Variants in ARHGAP24 observed in about 807,000 individuals in gnomAD.
ARHGAP24 encodes rho GTPase-activating protein 24.
ARHGAP24 carries 50 observed loss-of-function variants against 76.4 expected under a neutral mutation model. The observed-to-expected ratio is 0.65, with a 90% CI of 0.52 to 0.83. ARHGAP24 has a LOEUF of 0.83. Ranked by LOEUF, ARHGAP24 falls within the 40% of genes least tolerant of loss-of-function variation. The pLI is 0.00. For synonymous variants in ARHGAP24, 345 were observed against 323.3 expected (o/e 1.07, Z -0.72); for missense variants, 930 against 914.2 (o/e 1.02, Z -0.22).
intron 8 of ARHGAP24, among the ~76,000 whole-genome samples, chr4:85,978,258 C>T (rs2148857091): frequency 6.6e-6 from 1 of 152,214 alleles, no homozygotes; most frequent in African/African-American, 2.4e-5. Flanking sequence ...TTGTTTGCTA[C>T]AAACTGGACT....
intron 2 of ARHGAP24, among the ~76,000 whole-genome samples, chr4:85,662,299 G>T (rs1722423488): frequency 6.6e-6 from 1 of 151,794 alleles, no homozygotes; most frequent in Non-Finnish European, 1.5e-5. Context: ...GTGTTTTTTG[G>T]CTGCATAAAT....
chr4:85,790,597 A>G (rs1340966583), intron 3 of ARHGAP24, among the ~76,000 whole-genome samples: 1 of 152,184 alleles, frequency 6.6e-6, no homozygotes, highest in Admixed American at 6.5e-5. Flanking sequence ...TGTTCTTTCA[A>G]CCACAAGCAT....
chr4:85,768,902 A>C (rs7654689), intron 3 of ARHGAP24, among the ~76,000 whole-genome samples: 136,337 of 152,124 alleles, frequency 0.9, 63,024 homozygotes, highest in East Asian at 1. Flanking sequence ...ATATTAACAT[A>C]TCTTAGTCTC....
intron 2 of ARHGAP24, among the ~76,000 whole-genome samples, chr4:85,666,865 C>T (rs1378977766): frequency 2.6e-5 from 4 of 152,142 alleles, no homozygotes; most frequent in Non-Finnish European, 1.5e-5. Context: ...AGTTTTGTCT[C>T]AGAGGAGTAC....
chr4:85,627,506 G>C (rs1721003831), intron 2 of ARHGAP24, among the ~76,000 whole-genome samples: 1 of 152,176 alleles, frequency 6.6e-6, no homozygotes, highest in Non-Finnish European at 1.5e-5. Context: ...TCCCAGTTAG[G>C]CTCCTCAGTG....
chr4:85,995,284 C>A lies in ARHGAP24; in HGVS notation c.1630C>A (p.Leu544Ile). The A allele has an allele frequency of 6.2e-7, 1 of 1,613,992 alleles. No homozygotes were observed. The highest frequency in any genetic ancestry group is 2.2e-5 in the East Asian group (1 of 44,838). ...NVHQQFSMMN[L>I]DDKQSIDSAT... ...CCATCAACAGTTCTCCATGATGAACCTTGATGACAAGCAGAGCATTGACAG... is the reference window on the plus strand; with the variant it reads ...CCATCAACAGTTCTCCATGATGAACATTGATGACAAGCAGAGCATTGACAG... Residue 544 changes from leucine to isoleucine, a missense_variant, in exon 9 of 10, where the codon CTT (leucine) becomes ATT (isoleucine). Coordinates refer to ENST00000395184, the MANE Select transcript of ARHGAP24 (RefSeq NM_001025616.3).
At chr4:85,875,658 A>C (rs1235640959) in intron 3 of ARHGAP24, among the ~76,000 whole-genome samples, 1 of 127,556 alleles carries the variant, frequency 7.8e-6, no homozygotes, top group African/African-American at 3.0e-5. Context: ...TATTATATAT[A>C]ATATAACATA....
rs78942002 is a variant in ARHGAP24, at chr4:85,811,326, A to T, written c.268+89354A>T. 9.9e-3 allele frequency among the ~76,000 whole-genome samples: 1,513 copies of T among 152,328 alleles called. 29 individuals carry two copies. Among genetic ancestry groups the T allele is most frequent in the African/African-American group, 0.034 (1,414 of 41,576 alleles). On this transcript the variant is annotated intron_variant, in intron 3 of 9. Coordinates refer to ENST00000395184, the MANE Select transcript of ARHGAP24 (RefSeq NM_001025616.3). ...AAATTTTAAAGCTTCCCTTCTCTTT[A>T]GTAAATGTTTGCTCACTATTCCTCA...
chr4:85,810,839 A>G (rs1464778714), intron 3 of ARHGAP24, among the ~76,000 whole-genome samples: 2 of 152,196 alleles, frequency 1.3e-5, no homozygotes, highest in African/African-American at 4.8e-5. Context: ...CATTGTCACA[A>G]ACAATTTATT....
intron 3 of ARHGAP24, among the ~76,000 whole-genome samples, chr4:85,909,180 T>G (rs555954271): frequency 6.6e-6 from 1 of 152,340 alleles, no homozygotes; most frequent in East Asian, 1.9e-4. Context: ...ATACTGAGTT[T>G]GCTAACTTTG....
chr4:85,836,482 C>T (rs1730297582), intron 3 of ARHGAP24, among the ~76,000 whole-genome samples: 1 of 152,156 alleles, frequency 6.6e-6, no homozygotes, highest in Admixed American at 6.5e-5. Flanking sequence ...TGCCTGTCTT[C>T]CTATGTTTCT....
At chr4:85,869,527 T>A (rs1732407299) in intron 3 of ARHGAP24, among the ~76,000 whole-genome samples, 1 of 151,684 alleles carries the variant, frequency 6.6e-6, no homozygotes, top group East Asian at 1.9e-4. Flanking sequence ...CCTGTTTGGA[T>A]GGGGTGGGGG....
chr4:85,526,397 C>CAAA (rs397945077), intron 1 of ARHGAP24, among the ~76,000 whole-genome samples: 2 of 76,990 alleles, frequency 2.6e-5, no homozygotes, highest in African/African-American at 8.9e-5. Context: ...AAGACCCTGT[C>CAAA]AAAAAAAAAA....
rs148045921 is a variant in ARHGAP24 at position 85,644,180 on chromosome 4, C to T, written c.180+73459C>T. On this transcript the variant is annotated intron_variant, in intron 2 of 9. Transcript: ENST00000395184. ...CTATAAAACGCTGAAACTAAGAGTA[C>T]TTACCCGACATATTACTGTGAAGAA... Among the ~76,000 whole-genome samples the T allele has an allele frequency of 5.0e-3, 768 of 152,256 alleles. 3 individuals carry two copies. Among genetic ancestry groups the T allele is most frequent in the South Asian group, 0.01 (50 of 4,824 alleles).
At chr4:85,969,782 G>T (rs1356298794) in intron 5 of ARHGAP24, among the ~76,000 whole-genome samples, 2 of 152,160 alleles carry the variant, frequency 1.3e-5, no homozygotes, top group African/African-American at 2.4e-5. Context: ...TCTTACCATT[G>T]AGACTATTTT....
intron 1 of ARHGAP24, among the ~76,000 whole-genome samples, chr4:85,497,234 C>G (rs1305702647): frequency 6.6e-6 from 1 of 152,090 alleles, no homozygotes; most frequent in Non-Finnish European, 1.5e-5. Context: ...CCTGACAAGC[C>G]CAATCAGGGT....
chr4:85,962,465 C>T (rs926605477), intron 5 of ARHGAP24, among the ~76,000 whole-genome samples: 2 of 151,876 alleles, frequency 1.3e-5, no homozygotes, highest in South Asian at 2.1e-4. Context: ...TCAAACTAGT[C>T]GTGTAATCTA....
intron 2 of ARHGAP24, among the ~76,000 whole-genome samples, chr4:85,652,302 A>G (rs1167129079): frequency 6.6e-6 from 1 of 152,216 alleles, no homozygotes; most frequent in African/African-American, 2.4e-5. Flanking sequence ...GATTAGGAAT[A>G]TTTCTACTAC....
At chr4:85,601,806 T>C (rs1720037687) in intron 2 of ARHGAP24, among the ~76,000 whole-genome samples, 1 of 152,142 alleles carries the variant, frequency 6.6e-6, no homozygotes, top group South Asian at 2.1e-4. Flanking sequence ...CCTGTGATGA[T>C]TTTTCCACTT....
Sources: allele counts gnomAD v4.1 joint callset (sites outside exome capture counted in the v4.1 genomes callset), GRCh38; gene constraint gnomAD v4.1.1; transcripts MANE v1.5; gene names NCBI Gene and HGNC (gene_info 2026-07-23, HGNC 2026-07-21).